KIF1B: variants seen among roughly 807,000 people sequenced by gnomAD.
KIF1B encodes kinesin family member 1B, also known as kinesin-like protein KIF1B.
KIF1B carries 76 observed loss-of-function variants against 241.9 expected under a neutral mutation model. The ratio of observed to expected loss-of-function variants is 0.31; its 90% CI spans 0.26 to 0.38. KIF1B has a LOEUF of 0.38. Ranked by LOEUF, KIF1B falls within the 10% of genes least tolerant of loss-of-function variation. The pLI, the probability that KIF1B is intolerant of heterozygous loss-of-function variation, is 1.00. For synonymous variants in KIF1B, 750 were observed against 796.7 expected (o/e 0.94, Z 0.99); for missense variants, 1,622 against 2,271.4 (o/e 0.71, Z 5.81).
chr1:10,274,073 A>G (rs2102218205), intron 10 of KIF1B, among the ~76,000 whole-genome samples: 1 of 151,464 alleles, frequency 6.6e-6, no homozygotes, highest in Non-Finnish European at 1.5e-5. Context: ...AGTAGCTGAG[A>G]TTACAGGTGC....
intron 19 of KIF1B, 78 bp downstream of exon 19, chr1:10,295,844 C>G (rs147036061): frequency 1.6e-6 from 2 of 1,227,310 alleles, no homozygotes; most frequent in East Asian, 2.4e-5. Context: ...TTTGTATTCT[C>G]TGTCTATCAG....
chr1:10,242,367 G>GTA (rs1020582947), intron 2 of KIF1B, among the ~76,000 whole-genome samples: 2 of 152,118 alleles, frequency 1.3e-5, no homozygotes, highest in East Asian at 1.9e-4. Context: ...AGGCTCTGTG[G>GTA]TATAGCCTGT....
rs374982816 is a variant in KIF1B, at chr1:10,371,272, C to T, written c.4946+10C>T. On this transcript the variant is annotated intron_variant, in intron 45 of 48. Transcript: ENST00000676179. ...ACTCTCTGGATCAGAAGTAAGTACC[C>T]AGATTTCACTGAGAGAAGTCAATCT... 1.7e-4 allele frequency: 270 copies of T among 1,613,928 alleles called. No homozygotes were observed. The highest frequency in any genetic ancestry group is 2.1e-4 in the Non-Finnish European group (244 of 1,179,952).
chr1:10,289,966 G>A (rs750168142), intron 15 of KIF1B, among the ~76,000 whole-genome samples: 3 of 152,158 alleles, frequency 2.0e-5, no homozygotes, highest in Non-Finnish European at 4.4e-5. Flanking sequence ...TATGAAGGCA[G>A]AGATTTTGTT....
rs988518687 is a variant in KIF1B, at chr1:10,334,552, C to T, written c.2957C>T (p.Pro986Leu). ...GTTTACCTGAGCAATCTGCTGTATC[C>T]CGTGCCCCTGATCCACAGGGTGGCC... ...AFVYLSNLLYPVPLIHRVAIV... is the reference protein window; with the variant it reads ...AFVYLSNLLYLVPLIHRVAIV... The change falls in exon 28 of 49, where the codon CCC becomes CTC. Residue 986 changes from proline to leucine, a missense_variant. This residue lies in a region of KIF1B where 803 missense variants were observed against 1,112.0 expected (regional missense o/e 0.72). Transcript: ENST00000676179. 12 of 1,613,842 alleles carry T rather than the reference C, an allele frequency of 7.4e-6. No individual in the cohort carries two copies. Among genetic ancestry groups the T allele is most frequent in the Non-Finnish European group, 1.0e-5 (12 of 1,179,902 alleles).
intron 1 of KIF1B, among the ~76,000 whole-genome samples, chr1:10,222,724 T>G (rs891304035): frequency 6.6e-6 from 1 of 152,182 alleles, no homozygotes; most frequent in South Asian, 2.1e-4. Context: ...TGTTTTATTG[T>G]CTCTTTAATG....
intron 2 of KIF1B, among the ~76,000 whole-genome samples, chr1:10,241,469 C>T (rs1330091912): frequency 6.6e-6 from 1 of 152,110 alleles, no homozygotes; most frequent in Non-Finnish European, 1.5e-5. Context: ...ATAACTGAAC[C>T]TATCACTAAG....
rs555425742 is a variant in KIF1B at position 10,221,168 on chromosome 1, GCTCACTGCAAC to G, written c.-80+10294_-80+10304del. ...GCTGGAGTGTAATGGTGCGATCTTG[GCTCACTGCAAC>G]CTCCACCTCCGAGGTTCAAGCAATT... On this transcript the variant is annotated intron_variant, in intron 1 of 48. Coordinates refer to ENST00000676179, the MANE Select transcript of KIF1B (RefSeq NM_001365951.3). Among the ~76,000 whole-genome samples the G allele has an allele frequency of 1.1e-3, 157 of 141,640 alleles. 2 individuals are homozygous for G. The South Asian group carries it at 0.03, about 27-fold the overall frequency. The allele number at this position is 141,640 out of a possible 152,430, so 92.9% of individuals were successfully genotyped here.
chr1:10,315,171 CTTT>C (rs765236286), intron 22 of KIF1B, among the ~76,000 whole-genome samples: 1 of 80,062 alleles, frequency 1.2e-5, no homozygotes. Context: ...CAAGAATATT[CTTT>C]TTTTTTTTTT....
chr1:10,254,797 A>C (rs1647672594), intron 2 of KIF1B, among the ~76,000 whole-genome samples: 1 of 149,966 alleles, frequency 6.7e-6, no homozygotes, highest in Non-Finnish European at 1.5e-5. Context: ...GAATGGCGTG[A>C]ACCTGGGAGG....
chr1:10,234,497 C>T (rs531617718), intron 2 of KIF1B, among the ~76,000 whole-genome samples: 10 of 148,196 alleles, frequency 6.7e-5, no homozygotes, highest in Non-Finnish European at 1.2e-4. Context: ...CATGAGCTGC[C>T]GCGCCTGGCT....
chr1:10,253,229 T>C (rs968148229), intron 2 of KIF1B, among the ~76,000 whole-genome samples: 6 of 152,192 alleles, frequency 3.9e-5, no homozygotes, highest in Admixed American at 1.3e-4. Flanking sequence ...GCATCCTGAA[T>C]CTGCCACTAG....
chr1:10,365,426 C>A lies in KIF1B; in HGVS notation c.4530C>A (p.His1510Gln). The A allele has an allele frequency of 6.2e-7, 1 of 1,614,180 alleles. No individual in the cohort carries two copies. Among genetic ancestry groups the A allele is most frequent in the Non-Finnish European group, 8.5e-7 (1 of 1,180,034 alleles). ...ELLHEVEKTR[H>Q]FLLLRERLGD... ...CTTCTCAGGTGGAAAAAACCCGCCA[C>A]TTTTTGCTGCTGCGTGAGAGACTTG... is the stretch of plus-strand genomic sequence containing the variant. Residue 1510 changes from histidine to glutamine, a missense_variant, in exon 43 of 49, where the codon CAC becomes CAA. His to Gln is a conservative substitution (Grantham distance 24). This residue lies in a region of KIF1B where 357 missense variants were observed against 409.0 expected (regional missense o/e 0.87). Transcript: ENST00000676179. This position sits in a 1 kb window ranked among gnomAD's most constrained non-coding sequence, Gnocchi z 4.0.
intron 2 of KIF1B, among the ~76,000 whole-genome samples, chr1:10,242,203 TAATC>T (rs1647147272): frequency 6.6e-6 from 1 of 152,090 alleles, no homozygotes; most frequent in Non-Finnish European, 1.5e-5. Flanking sequence ...TAGAGATAAA[TAATC>T]AAAGCAATGT....
chr1:10,356,320 G>A (rs568370673), intron 38 of KIF1B, among the ~76,000 whole-genome samples: 11 of 152,088 alleles, frequency 7.2e-5, no homozygotes, highest in Non-Finnish European at 1.2e-4. Context: ...AGCCGAGATC[G>A]CGCCACTGCA....
Position 10,324,836 on chromosome 1 carries a change from C to T in KIF1B, c.2616C>T (p.Thr872=). The stretch of plus-strand genomic sequence containing the variant: ...CCAGTGCCCAAGACGAAAGCGAAAC[C>T]ACTGTGACTGGCAGCGATCCCTTCT... ...MASSAQDESE[T]TVTGSDPFYD... Residue 872 remains threonine (T), a synonymous_variant, in exon 26 of 49, where the codon ACC becomes ACT. Transcript: ENST00000676179. 1 of 1,614,140 alleles carries T rather than the reference C, an allele frequency of 6.2e-7. No individual in the cohort carries two copies. Among genetic ancestry groups the T allele is most frequent in the Non-Finnish European group, 8.5e-7 (1 of 1,180,026 alleles).
intron 11 of KIF1B, 123 bp from the exon 12 acceptor site, chr1:10,276,194 TAAAA>T (rs1429031297): frequency 4.0e-5 from 30 of 753,432 alleles, no homozygotes; most frequent in South Asian, 3.2e-4. Context: ...AAAAAAAAAA[TAAAA>T]GAAAGAAATT....
chr1:10,291,539 T>A (rs1649996597), intron 16 of KIF1B, among the ~76,000 whole-genome samples: 1 of 151,958 alleles, frequency 6.6e-6, no homozygotes, highest in African/African-American at 2.4e-5. Context: ...TGAAACCCCA[T>A]CTCTACTAAA....
intron 15 of KIF1B, among the ~76,000 whole-genome samples, chr1:10,285,789 G>A (rs1292934177): frequency 2.0e-5 from 3 of 152,186 alleles, no homozygotes; most frequent in Non-Finnish European, 4.4e-5. Context: ...CAATGGTTGT[G>A]CAGTAGAAAT....
Sources: gnomAD v4.1 joint callset for allele counts (sites outside exome capture counted in the v4.1 genomes callset) on GRCh38, gnomAD v4.1.1 for gene constraint, gnomAD v4.1.1 regional missense constraint, Gnocchi (gnomAD v3.1) non-coding constraint, MANE v1.5 for transcripts, NCBI Gene and HGNC (gene_info 2026-07-23, HGNC 2026-07-21) for gene names.